The following FGF13 variants were observed in gnomAD, a reference collection of about 807,000 sequenced individuals.
FGF13 encodes the protein fibroblast growth factor 13.
In FGF13, 2 loss-of-function variants were observed where a neutral mutation model predicts 19.5. The observed-to-expected ratio is 0.10, with a 90% CI of 0.04 to 0.32. The LOEUF (loss-of-function observed/expected upper bound fraction) is 0.32. Ranked by LOEUF, FGF13 falls within the 10% of genes least tolerant of loss-of-function variation. The pLI is 1.00. For missense variants in FGF13, 113 were observed against 192.7 expected (o/e 0.59, Z 2.45); for synonymous variants, 72 against 76.9 (o/e 0.94, Z 0.33).
intron 3 of FGF13, among the ~76,000 whole-genome samples, chrX:138,831,746 A>C (rs1319294074): frequency 9.2e-6 from 1 of 108,797 alleles, no homozygotes; most frequent in African/African-American, 3.4e-5. Context: ...TTGTGTCATG[A>C]GGGTTTGTTT....
At chrX:138,682,424 G>C (rs922243320) in intron 3 of FGF13, among the ~76,000 whole-genome samples, 1 of 112,842 alleles carries the variant, frequency 8.9e-6, no homozygotes, top group Non-Finnish European at 1.9e-5. Flanking sequence ...CATTGAATAA[G>C]TTCCTTTCCT....
chrX:138,968,799 A>G (rs1253781212), intron 1 of FGF13, among the ~76,000 whole-genome samples: 1 of 111,975 alleles, frequency 8.9e-6, no homozygotes, highest in Non-Finnish European at 1.9e-5. Context: ...GGAGTGAGAA[A>G]ATTACTTCAG....
intron 1 of FGF13, among the ~76,000 whole-genome samples, chrX:139,004,399 G>A (rs903718658): frequency 8.9e-6 from 1 of 112,579 alleles, no homozygotes; most frequent in African/African-American, 3.2e-5. Context: ...GTTCCTGCTC[G>A]CGCCTCTCCC....
chrX:138,917,222 A>G (rs2091622232), intron 1 of FGF13, among the ~76,000 whole-genome samples: 2 of 111,845 alleles, frequency 1.8e-5, no homozygotes, highest in Non-Finnish European at 1.9e-5. Flanking sequence ...TCATATGTTG[A>G]AGCCCTAACC....
intron 3 of FGF13, among the ~76,000 whole-genome samples, chrX:138,654,601 C>T (rs758373217): frequency 1.8e-5 from 2 of 110,926 alleles, no homozygotes; most frequent in South Asian, 3.8e-4. Context: ...ATCATCTGGG[C>T]GTGGTGGCAC....
chrX:138,785,032 C>G (rs967659760), intron 3 of FGF13, among the ~76,000 whole-genome samples: 2 of 112,242 alleles, frequency 1.8e-5, no homozygotes, highest in African/African-American at 6.5e-5. Flanking sequence ...AATGTTCACA[C>G]TTCCATTCTC....
intron 3 of FGF13, among the ~76,000 whole-genome samples, chrX:138,785,798 T>A (rs1181558236): frequency 8.9e-6 from 1 of 111,981 alleles, no homozygotes; most frequent in Non-Finnish European, 1.9e-5. Context: ...TTTCTACTCA[T>A]GTCCAACTGA....
rs185054795 is a variant in FGF13, at chrX:138,692,151, T to G, written c.402+10833A>C. ...TTCATAATTGGTCTCTGTAACTTATTTAAAATATTCAATAGGCCTGACAGA... is the reference window on the plus strand; with the variant it reads ...TTCATAATTGGTCTCTGTAACTTATGTAAAATATTCAATAGGCCTGACAGA... On this transcript the variant is annotated intron_variant, in intron 3 of 4. Transcript: ENST00000315930. Among the ~76,000 whole-genome samples, 155 of 111,747 alleles carry G rather than the reference T, an allele frequency of 1.4e-3. 1 individual carries two copies. The highest frequency in any genetic ancestry group is 4.7e-3 in the African/African-American group (146 of 30,885).
At chrX:138,634,382 A>C (rs756468992) in intron 4 of FGF13, among the ~76,000 whole-genome samples, 1 of 112,408 alleles carries the variant, frequency 8.9e-6, no homozygotes, top group South Asian at 3.7e-4. Flanking sequence ...CCGGCTGTGT[A>C]TACACATTTT....
At chrX:138,647,530 CG>C (rs1320863119) in intron 3 of FGF13, among the ~76,000 whole-genome samples, 1 of 111,502 alleles carries the variant, frequency 9.0e-6, no homozygotes, top group Non-Finnish European at 1.9e-5. Flanking sequence ...CAATGCTTTA[CG>C]GGAGTGTTTG....
At chrX:139,048,838 T>C (rs1353859647) in intron 1 of FGF13, among the ~76,000 whole-genome samples, 2 of 111,216 alleles carry the variant, frequency 1.8e-5, no homozygotes, top group Non-Finnish European at 3.8e-5. Context: ...TATAGATATA[T>C]AGTGGTACTG....
intron 3 of FGF13, among the ~76,000 whole-genome samples, chrX:138,753,950 C>T (rs953340424): frequency 8.9e-6 from 1 of 111,763 alleles, no homozygotes; most frequent in African/African-American, 3.3e-5. Context: ...TCAACAACAA[C>T]AAAAAAATCA....
intron 3 of FGF13, among the ~76,000 whole-genome samples, chrX:138,848,607 T>C (rs1255264042): frequency 8.9e-6 from 1 of 112,179 alleles, no homozygotes; most frequent in African/African-American, 3.2e-5. Context: ...TAAAAACTAG[T>C]AACTAAAAGT....
chrX:138,780,756 C>T (rs149856801), intron 3 of FGF13, among the ~76,000 whole-genome samples: 81 of 110,544 alleles, frequency 7.3e-4, no homozygotes, highest in African/African-American at 2.4e-3. Context: ...GACAGATCCA[C>T]GAGACGGAAA....
intron 1 of FGF13, among the ~76,000 whole-genome samples, chrX:139,183,202 C>T (rs2084253716): frequency 8.9e-6 from 1 of 112,171 alleles, no homozygotes; most frequent in Admixed American, 9.4e-5. Flanking sequence ...AAAAGTATCA[C>T]ATGTCCAAAT....
intron 1 of FGF13, among the ~76,000 whole-genome samples, chrX:139,119,529 G>A (rs749092038): frequency 8.1e-5 from 9 of 111,329 alleles, no homozygotes; most frequent in East Asian, 5.7e-4. Context: ...TGGCTGAGCC[G>A]GTATTCAAAC....
At chrX:138,954,060 C>G (rs1417762086) in intron 1 of FGF13, among the ~76,000 whole-genome samples, 7 of 100,907 alleles carry the variant, frequency 6.9e-5, no homozygotes, top group African/African-American at 2.2e-4. Flanking sequence ...AATTTTACAC[C>G]AAATATTGGT....
At chrX:138,970,414 C>T (rs2091911008) in intron 1 of FGF13, among the ~76,000 whole-genome samples, 1 of 111,155 alleles carries the variant, frequency 9.0e-6, no homozygotes, top group South Asian at 3.8e-4. Context: ...TCTGCACTGC[C>T]ATATTGTTCT....
intron 1 of FGF13, among the ~76,000 whole-genome samples, chrX:138,960,000 T>C (rs1041476317): frequency 6.2e-5 from 7 of 112,267 alleles, no homozygotes; most frequent in African/African-American, 2.3e-4. Context: ...GTCTTTTAAT[T>C]GGGGCATTTA....
Sources: allele counts gnomAD v4.1 joint callset (sites outside exome capture counted in the v4.1 genomes callset), GRCh38; gene constraint gnomAD v4.1.1; transcripts MANE v1.5; gene names NCBI Gene and HGNC (gene_info 2026-07-23, HGNC 2026-07-21).